FAM83B: variants seen among roughly 807,000 people sequenced by gnomAD.
FAM83B encodes scaffolding CK1 anchoring protein B.
Under a neutral mutation model 38.8 loss-of-function variants are expected in FAM83B, and 26 were observed. The ratio of observed to expected loss-of-function variants is 0.67; its 90% CI spans 0.49 to 0.93. FAM83B has a LOEUF of 0.93. Among genes scored for constraint, FAM83B ranks in the 40% least tolerant of loss-of-function variants. The pLI is 0.00. For missense variants in FAM83B, 1,237 were observed against 1,197.3 expected (o/e 1.03, Z -0.49); for synonymous variants, 419 against 423.1 (o/e 0.99, Z 0.12).
chr6:54,852,035 C>A (rs1390297783), intron 1 of FAM83B, among the ~76,000 whole-genome samples: 1 of 145,486 alleles, frequency 6.9e-6, no homozygotes, highest in Non-Finnish European at 1.6e-5. Context: ...CCCACCTCGG[C>A]CTCCCAAAGT....
At position 54,941,910 on chromosome 6, in the gene FAM83B, A is replaced by G; in HGVS notation, c.2939A>G (p.Asn980Ser). 1 of 1,614,104 alleles carries G rather than the reference A, an allele frequency of 6.2e-7. No homozygotes were observed. The highest frequency in any genetic ancestry group is 8.5e-7 in the Non-Finnish European group (1 of 1,179,994). Residue 980 changes from asparagine (N) to serine (S), a missense_variant, in exon 5 of 5, where the codon AAT becomes AGT. Physicochemically the swap from Asn to Ser is conservative, Grantham distance 46. Coordinates refer to ENST00000306858, the MANE Select transcript of FAM83B (RefSeq NM_001010872.3). ...NSYGRSSPLLNYNTGVYRSYQ... is the reference protein window; with the variant it reads ...NSYGRSSPLLSYNTGVYRSYQ... ...TATGGCAGGTCTAGTCCATTGCTTA[A>G]TTACAACACTGGTGTTTATCGCTCA... is the stretch of plus-strand genomic sequence containing the variant.
intron 2 of FAM83B, among the ~76,000 whole-genome samples, chr6:54,875,574 A>G (rs1771970918): frequency 6.6e-6 from 1 of 152,194 alleles, no homozygotes; most frequent in Admixed American, 6.5e-5. Context: ...AAAATGCATT[A>G]CATGTTAATA....
At chr6:54,906,934 C>G (rs1237660836) in intron 2 of FAM83B, among the ~76,000 whole-genome samples, 7 of 152,032 alleles carry the variant, frequency 4.6e-5, no homozygotes, top group South Asian at 2.1e-4. Context: ...TTTGTGAACC[C>G]TTTTGGTTAG....
chr6:54,874,265 G>A (rs1771935862), intron 2 of FAM83B, among the ~76,000 whole-genome samples: 1 of 151,712 alleles, frequency 6.6e-6, no homozygotes, highest in South Asian at 2.1e-4. Context: ...TTGTTTATTT[G>A]TTTTGTTTTA....
Position 54,870,325 on chromosome 6 carries a change from T to C in FAM83B, c.79T>C (p.Trp27Arg). Residue 27 changes from tryptophan (W) to arginine (R), a missense_variant, in exon 2 of 5, where the codon TGG becomes CGG. By Grantham distance (101) the Trp-to-Arg change is moderately radical. Coordinates refer to ENST00000306858, the MANE Select transcript of FAM83B (RefSeq NM_001010872.3). ...CTACATTGAGCCTCACTACAAGGAA[T>C]GGTATCGAGTAGCCATTGATATTCT... Reference protein sequence around the residue: ...DNYIEPHYKEWYRVAIDILIE... With the variant: ...DNYIEPHYKERYRVAIDILIE... 1 of 1,613,936 alleles carries C rather than the reference T, an allele frequency of 6.2e-7. No homozygotes were observed. The highest frequency in any genetic ancestry group is 8.5e-7 in the Non-Finnish European group (1 of 1,179,890).
intron 1 of FAM83B, among the ~76,000 whole-genome samples, chr6:54,850,495 CA>C: frequency 6.6e-6 from 1 of 152,174 alleles, no homozygotes; most frequent in African/African-American, 2.4e-5. Context: ...TCTTTAACAT[CA>C]GATTCCTTCT....
intron 4 of FAM83B, among the ~76,000 whole-genome samples, chr6:54,928,108 A>G (rs1163225382): frequency 6.6e-6 from 1 of 152,194 alleles, no homozygotes; most frequent in Non-Finnish European, 1.5e-5. Flanking sequence ...CGAGAGTGTA[A>G]ACACTGCCCT....
chr6:54,913,748 T>G (rs1772970325), intron 2 of FAM83B, among the ~76,000 whole-genome samples: 1 of 152,110 alleles, frequency 6.6e-6, no homozygotes, highest in Non-Finnish European at 1.5e-5. Flanking sequence ...TTCAAACATA[T>G]GTATATGAAG....
intron 2 of FAM83B, among the ~76,000 whole-genome samples, chr6:54,891,239 T>C (rs1428305572): frequency 6.6e-6 from 1 of 152,168 alleles, no homozygotes; most frequent in African/African-American, 2.4e-5. Flanking sequence ...TCCTAACCTG[T>C]GTCTCATAGG....
intron 1 of FAM83B, among the ~76,000 whole-genome samples, chr6:54,853,165 A>C (rs1325952670): frequency 6.6e-6 from 1 of 152,188 alleles, no homozygotes; most frequent in Non-Finnish European, 1.5e-5. Context: ...AAGGTATGAA[A>C]CTAGCAGAGG....
chr6:54,895,263 T>G (rs546471917), intron 2 of FAM83B, among the ~76,000 whole-genome samples: 1 of 152,316 alleles, frequency 6.6e-6, no homozygotes, highest in African/African-American at 2.4e-5. Flanking sequence ...AGAGAACAAA[T>G]TTGGTTTACC....
At chr6:54,934,263 T>G (rs1359386399) in intron 4 of FAM83B, among the ~76,000 whole-genome samples, 2 of 152,164 alleles carry the variant, frequency 1.3e-5, no homozygotes, top group Non-Finnish European at 2.9e-5. Context: ...GCTCTTAAGC[T>G]TTATAAGCTG....
chr6:54,854,198 TG>T (rs1771384235), intron 1 of FAM83B, among the ~76,000 whole-genome samples: 2 of 152,210 alleles, frequency 1.3e-5, no homozygotes, highest in Admixed American at 6.5e-5. Context: ...TCTACTCTCT[TG>T]GTGAAGGTGC....
chr6:54,933,430 G>A (rs1172684178), intron 4 of FAM83B, among the ~76,000 whole-genome samples: 1 of 151,776 alleles, frequency 6.6e-6, no homozygotes, highest in Non-Finnish European at 1.5e-5. Flanking sequence ...AGCTCATTGA[G>A]CATTTTTATA....
chr6:54,870,802 C>T, intron 2 of FAM83B, 112 bp downstream of exon 2: 13 of 1,063,770 alleles, frequency 1.2e-5, no homozygotes, highest in Non-Finnish European at 1.7e-5. Flanking sequence ...ATAGGCCATG[C>T]CTATTGTTTT....
At chr6:54,856,030 G>T (rs1771438455) in intron 1 of FAM83B, among the ~76,000 whole-genome samples, 1 of 152,108 alleles carries the variant, frequency 6.6e-6, no homozygotes, top group African/African-American at 2.4e-5. Flanking sequence ...CCATGGAAAG[G>T]GTGCCAAGGT....
Position 54,939,892 on chromosome 6 carries a change from G to T in FAM83B, c.921G>T (p.Gln307His). ...CCCTCTGGGAAAATGGCACTTACCA[G>T]CATTCGGTGTCTTCATTAGCATCTG... is the stretch of plus-strand genomic sequence containing the variant. ...GKALWENGTY[Q>H]HSVSSLASVS... is the part of the protein sequence containing the mutation. Residue 307 changes from glutamine to histidine, a missense_variant, in exon 5 of 5, where the codon CAG (glutamine) becomes CAT (histidine). Transcript: ENST00000306858. The T allele has an allele frequency of 6.2e-7, 1 of 1,614,004 alleles. No homozygotes were observed. Among genetic ancestry groups the T allele is most frequent in the South Asian group, 1.1e-5 (1 of 91,086 alleles).
chr6:54,860,573 A>T (rs374646830), intron 1 of FAM83B, among the ~76,000 whole-genome samples: 2 of 152,240 alleles, frequency 1.3e-5, no homozygotes, highest in African/African-American at 4.8e-5. Flanking sequence ...TGATACTGAC[A>T]TATGTATCAA....
intron 2 of FAM83B, among the ~76,000 whole-genome samples, chr6:54,891,710 C>CA (rs1772406886): frequency 6.6e-6 from 1 of 152,162 alleles, no homozygotes; most frequent in Admixed American, 6.6e-5. Flanking sequence ...TTAAAGGCAT[C>CA]ATCACATTCC....
Sources: gnomAD v4.1 joint callset for allele counts (sites outside exome capture counted in the v4.1 genomes callset) on GRCh38, gnomAD v4.1.1 for gene constraint, MANE v1.5 for transcripts, NCBI Gene and HGNC (gene_info 2026-07-23, HGNC 2026-07-21) for gene names.